NGF: variants seen among roughly 807,000 people sequenced by gnomAD.
The protein encoded by NGF is beta-nerve growth factor.
NGF carries 4 observed loss-of-function variants against 12.8 expected under a neutral mutation model. The observed-to-expected ratio is 0.31, with a 90% CI of 0.15 to 0.72. NGF has a LOEUF of 0.72. Among genes scored for constraint, NGF ranks in the 30% least tolerant of loss-of-function variants. The pLI is 0.69. For missense variants in NGF, 283 were observed against 330.8 expected (o/e 0.86, Z 1.12); for synonymous variants, 140 against 130.0 (o/e 1.08, Z -0.52).
At chr1:115,288,183 TTGTA>T (rs1653574833) in intron 2 of NGF, among the ~76,000 whole-genome samples, 1 of 152,196 alleles carries the variant, frequency 6.6e-6, no homozygotes, top group East Asian at 1.9e-4. Flanking sequence ...AATAGCGTAA[TTGTA>T]TGTGCATATG....
chr1:115,292,529 TC>T (rs1369844935), intron 2 of NGF, among the ~76,000 whole-genome samples: 3 of 152,190 alleles, frequency 2.0e-5, no homozygotes, highest in African/African-American at 7.2e-5. Flanking sequence ...CTAGCCTAAT[TC>T]TTTAACTTTG....
In NGF at chr1:115,286,292, A is replaced by G. The variant is rs745359909; in HGVS notation, c.504T>C (p.Ser168=). 1.9e-6 allele frequency: 3 copies of G among 1,614,078 alleles called. No homozygotes were observed. The highest frequency in any genetic ancestry group is 4.5e-5 in the East Asian group (2 of 44,870). Residue 168 remains serine (S), a synonymous_variant, in exon 3 of 3, where the codon AGT becomes AGC. Transcript: ENST00000369512. ...MVLGEVNINN[S]VFKQYFFETK... ...TCTCAAAAAAGTACTGTTTGAATAC[A>G]CTGTTGTTAATGTTCACCTCTCCCA...
chr1:115,333,818 C>T (rs1655028951), intron 1 of NGF, among the ~76,000 whole-genome samples: 1 of 141,868 alleles, frequency 7.0e-6, no homozygotes, highest in Admixed American at 7.2e-5. Flanking sequence ...CTTTTTCTTT[C>T]TTTCTCTCTT....
chr1:115,305,110 T>C (rs1654163579), intron 1 of NGF, among the ~76,000 whole-genome samples: 1 of 152,234 alleles, frequency 6.6e-6, no homozygotes, highest in Admixed American at 6.5e-5. Flanking sequence ...TGTTAAAATA[T>C]GTTAATTAGT....
chr1:115,311,481 G>A (rs539397238), intron 1 of NGF, among the ~76,000 whole-genome samples: 3 of 152,266 alleles, frequency 2.0e-5, no homozygotes, highest in South Asian at 2.1e-4. Flanking sequence ...GACATTTGGC[G>A]ATGTCTAGAG....
At chr1:115,319,244 C>T (rs1290335592) in intron 1 of NGF, among the ~76,000 whole-genome samples, 3 of 152,136 alleles carry the variant, frequency 2.0e-5, no homozygotes, top group African/African-American at 7.2e-5. Flanking sequence ...CGGTGACTGG[C>T]CTTCTTCTTC....
At chr1:115,325,264 C>A (rs58749257) in intron 1 of NGF, among the ~76,000 whole-genome samples, 1 of 152,064 alleles carries the variant, frequency 6.6e-6, no homozygotes, top group Non-Finnish European at 1.5e-5. Flanking sequence ...ACAACCACAA[C>A]GGGAGGAGCG....
chr1:115,286,179 G>A lies in NGF; in HGVS notation c.617C>T (p.Thr206Ile), dbSNP rs770508381. 3 of 1,614,110 alleles carry A rather than the reference G, an allele frequency of 1.9e-6. No individual in the cohort carries two copies. The highest frequency in any genetic ancestry group is 2.5e-6 in the Non-Finnish European group (3 of 1,180,016). ...ATCCATGGTCAGCGCCTTGACAAAG[G>A]TGTGAGTCGTGGTACAATATGAGTT... is the stretch of plus-strand genomic sequence containing the variant. ...HWNSYCTTTH[T>I]FVKALTMDGK... Residue 206 changes from threonine to isoleucine, a missense_variant, in exon 3 of 3, where the codon ACC becomes ATC. Around this residue, in one of 2 missense-constraint regions of NGF, gnomAD observed 132 missense variants for 189.2 expected, o/e 0.70. Coordinates refer to ENST00000369512, the MANE Select transcript of NGF (RefSeq NM_002506.3).
chr1:115,289,249 A>G (rs1653610325), intron 2 of NGF, among the ~76,000 whole-genome samples: 1 of 152,314 alleles, frequency 6.6e-6, no homozygotes, highest in South Asian at 2.1e-4. Context: ...TCGGTACATA[A>G]TATCTCTTAT....
At chr1:115,308,759 C>CAG (rs1251701910) in intron 1 of NGF, among the ~76,000 whole-genome samples, 10 of 151,958 alleles carry the variant, frequency 6.6e-5, no homozygotes, top group African/African-American at 2.4e-4. Flanking sequence ...GGAAAGAAGA[C>CAG]AAAGTGAGAG....
chr1:115,322,741 A>C (rs551807846), intron 1 of NGF, among the ~76,000 whole-genome samples: 1 of 152,148 alleles, frequency 6.6e-6, no homozygotes, highest in East Asian at 1.9e-4. Flanking sequence ...TATTACCCCC[A>C]TTTTGCAGCT....
intron 2 of NGF, among the ~76,000 whole-genome samples, chr1:115,287,338 C>T (rs758016249): frequency 1.6e-4 from 24 of 152,170 alleles, no homozygotes; most frequent in Admixed American, 3.9e-4. Flanking sequence ...AGACAGTGCA[C>T]TGGGTCAGCT....
chr1:115,335,272 C>T (rs574670111), intron 1 of NGF, among the ~76,000 whole-genome samples: 35 of 152,352 alleles, frequency 2.3e-4, no homozygotes, highest in East Asian at 3.9e-4. Context: ...CACATATCAG[C>T]CTCAGGATCA....
chr1:115,333,667 TTCTTTCTTTCTTTCTTTCTTTCTTTC>T lies in NGF; in HGVS notation c.-137+4511_-137+4536del, dbSNP rs1248789364. Among the ~76,000 whole-genome samples the T allele has an allele frequency of 9.4e-5, 4 of 42,486 alleles. No individual in the cohort carries two copies. The African/African-American group carries it at 1.1e-3, about 12-fold the overall frequency. 27.9% of individuals were successfully genotyped at this position (42,486 alleles called of 152,430 possible). On this transcript the variant is annotated intron_variant, in intron 1 of 2. Transcript: ENST00000369512. ...ACTTTCTTTCTTTCTCTTTCTTTCT[TTCTTTCTTTCTTTCTTTCTTTCTTTC>T]TTTCTTTCTTTCTTTCTTTCTTTTC...
chr1:115,312,327 C>G (rs1318631398), intron 1 of NGF, among the ~76,000 whole-genome samples: 1 of 152,142 alleles, frequency 6.6e-6, no homozygotes, highest in African/African-American at 2.4e-5. Context: ...CTTAATCAGT[C>G]AATCAACCAG....
At chr1:115,298,936 CT>C (rs774171399) in intron 1 of NGF, among the ~76,000 whole-genome samples, 52 of 152,116 alleles carry the variant, frequency 3.4e-4, no homozygotes, top group Non-Finnish European at 5.7e-4. Context: ...ATCTTCCTGG[CT>C]GTAGCCATTC....
intron 2 of NGF, among the ~76,000 whole-genome samples, chr1:115,289,050 C>T (rs895389615): frequency 2.0e-5 from 3 of 152,180 alleles, no homozygotes; most frequent in African/African-American, 7.2e-5. Flanking sequence ...TTTCTGTTTG[C>T]TCCAGTTCTC....
intron 1 of NGF, among the ~76,000 whole-genome samples, chr1:115,314,707 T>C (rs1654426934): frequency 6.6e-6 from 1 of 152,154 alleles, no homozygotes; most frequent in African/African-American, 2.4e-5. Context: ...GTTTAGCAAC[T>C]AGATATTGAG....
chr1:115,298,123 C>T (rs1373198950), intron 1 of NGF, among the ~76,000 whole-genome samples: 1 of 152,206 alleles, frequency 6.6e-6, no homozygotes, highest in Non-Finnish European at 1.5e-5. Flanking sequence ...GGAATGTTGT[C>T]CCTGTCTCTC....
Sources: allele counts gnomAD v4.1 joint callset (sites outside exome capture counted in the v4.1 genomes callset), GRCh38; gene constraint gnomAD v4.1.1; regional missense constraint gnomAD v4.1.1; transcripts MANE v1.5; gene names NCBI Gene and HGNC (gene_info 2026-07-23, HGNC 2026-07-21).